ACAP2: variants seen among roughly 807,000 people sequenced by gnomAD.
The protein encoded by ACAP2 is ArfGAP with coiled-coil, ankyrin repeat and PH domains 2.
In ACAP2, 39 loss-of-function variants were observed where a neutral mutation model predicts 115.8. The ratio of observed to expected loss-of-function variants is 0.34; its 90% CI spans 0.26 to 0.44. ACAP2 has a LOEUF of 0.44. Ranked by LOEUF, ACAP2 falls within the 20% of genes least tolerant of loss-of-function variation. The probability of loss-of-function intolerance (pLI) is 1.00; values close to 1 mark genes in which losing one functional copy is unlikely to be tolerated. For missense variants in ACAP2, 662 were observed against 927.6 expected (o/e 0.71, Z 3.72); for synonymous variants, 289 against 315.8 (o/e 0.92, Z 0.90).
chr3:195,397,843 T>A (rs1003277155), intron 1 of ACAP2, among the ~76,000 whole-genome samples: 3 of 152,206 alleles, frequency 2.0e-5, no homozygotes, highest in Non-Finnish European at 4.4e-5. Context: ...TTTGTTTTCA[T>A]GTTATGGGGC....
chr3:195,366,681 T>C (rs1044516349), intron 4 of ACAP2, among the ~76,000 whole-genome samples: 1 of 152,240 alleles, frequency 6.6e-6, no homozygotes, highest in Admixed American at 6.5e-5. Flanking sequence ...TACTAATGCC[T>C]GCTTCTTATT....
chr3:195,424,564 G>C (rs1208873958), intron 1 of ACAP2, among the ~76,000 whole-genome samples: 1 of 151,512 alleles, frequency 6.6e-6, no homozygotes, highest in African/African-American at 2.4e-5. Flanking sequence ...CTCCCAAAGT[G>C]CTGGGATTAC....
intron 4 of ACAP2, among the ~76,000 whole-genome samples, chr3:195,377,138 C>CTTTTTTTTTTT (rs749352761): frequency 0.031 from 2,386 of 77,044 alleles, 408 homozygotes; most frequent in East Asian, 0.19. Context: ...GAATGTAAAT[C>CTTTTTTTTTTT]TTTTTTTTTT....
chr3:195,442,163 C>G (rs905522053), intron 1 of ACAP2: 3 of 152,608 alleles, frequency 2.0e-5, no homozygotes, highest in African/African-American at 7.2e-5. Context: ...CTAGGGTCCA[C>G]GGAATGCGGT....
chr3:195,305,559 C>T (rs1728367114), intron 13 of ACAP2, among the ~76,000 whole-genome samples: 1 of 151,798 alleles, frequency 6.6e-6, no homozygotes, highest in Non-Finnish European at 1.5e-5. Context: ...ATATGGGATA[C>T]AGGAAAGAGA....
intron 1 of ACAP2, among the ~76,000 whole-genome samples, chr3:195,418,969 A>G (rs1233218594): frequency 6.6e-6 from 1 of 152,178 alleles, no homozygotes; most frequent in Non-Finnish European, 1.5e-5. Context: ...GATGCTTGCA[A>G]GAGACTGTAT....
At chr3:195,312,952 G>A (rs1056241400) in intron 10 of ACAP2, 1 of 152,214 alleles carries the variant, frequency 6.6e-6, no homozygotes, top group Non-Finnish European at 1.5e-5. Context: ...GGTACCTGAT[G>A]TGATCGGGCT....
chr3:195,357,210 G>A (rs1443134033), intron 4 of ACAP2, among the ~76,000 whole-genome samples: 2 of 151,950 alleles, frequency 1.3e-5, no homozygotes, highest in South Asian at 2.1e-4. Context: ...GTGTGGAGGT[G>A]GACACAGGGG....
intron 4 of ACAP2, among the ~76,000 whole-genome samples, chr3:195,372,646 A>AC (rs1035593511): frequency 9.2e-5 from 14 of 151,696 alleles, no homozygotes; most frequent in Middle Eastern, 3.2e-3. Context: ...ACACAGGAAG[A>AC]CCCCCGCTCT....
At chr3:195,292,078 C>T (rs1727293120) in intron 19 of ACAP2, among the ~76,000 whole-genome samples, 187 bp downstream of exon 19, 1 of 152,138 alleles carries the variant, frequency 6.6e-6, no homozygotes, top group South Asian at 2.1e-4. Flanking sequence ...AATTCTCTTC[C>T]ACTGCAAAAA....
chr3:195,342,994 C>CAAA (rs11444212), intron 5 of ACAP2, among the ~76,000 whole-genome samples: 6 of 129,148 alleles, frequency 4.6e-5, no homozygotes, highest in African/African-American at 1.7e-4. Flanking sequence ...GACTCCGACT[C>CAAA]AAAAAAAAAA....
At chr3:195,344,169 T>G (rs9859279) in intron 5 of ACAP2, among the ~76,000 whole-genome samples, 47,756 of 152,068 alleles carry the variant, frequency 0.31, 8,709 homozygotes, top group East Asian at 0.82. Flanking sequence ...AGTGAGTTAT[T>G]ATCAAGCCAC....
intron 9 of ACAP2, chr3:195,325,481 A>G: frequency 2.3e-6 from 1 of 427,672 alleles, no homozygotes; most frequent in Non-Finnish European, 4.6e-6. Flanking sequence ...AGGGGCAGAA[A>G]AGAGGTCAGT....
intron 1 of ACAP2, among the ~76,000 whole-genome samples, chr3:195,417,528 G>A (rs1450953718): frequency 1.3e-5 from 2 of 151,956 alleles, no homozygotes; most frequent in African/African-American, 2.4e-5. Flanking sequence ...TACCAAAAGC[G>A]GACCATCATT....
At chr3:195,424,285 T>TATATATATA (rs1714478082) in intron 1 of ACAP2, among the ~76,000 whole-genome samples, 2 of 12,538 alleles carry the variant, frequency 1.6e-4, no homozygotes, top group Non-Finnish European at 3.2e-4. Flanking sequence ...ATATATATAT[T>TATATATATA]TTTTTTTTTT....
intron 4 of ACAP2, among the ~76,000 whole-genome samples, chr3:195,368,840 T>C (rs1405349359): frequency 6.6e-6 from 1 of 152,190 alleles, no homozygotes. Flanking sequence ...TCCCACCACT[T>C]TGAGAGGCCA....
intron 2 of ACAP2, among the ~76,000 whole-genome samples, chr3:195,391,112 T>C (rs1022548729): frequency 6.6e-6 from 1 of 152,200 alleles, no homozygotes; most frequent in Non-Finnish European, 1.5e-5. Flanking sequence ...GTATTTACAT[T>C]TGAACGTGGC....
chr3:195,300,369 G>A (rs1727969807), intron 15 of ACAP2, among the ~76,000 whole-genome samples: 1 of 151,970 alleles, frequency 6.6e-6, no homozygotes, highest in Admixed American at 6.6e-5. Context: ...AGAAACAAAT[G>A]AGCATATACT....
chr3:195,371,951 G>A (rs1042862049), intron 4 of ACAP2, among the ~76,000 whole-genome samples: 3 of 152,028 alleles, frequency 2.0e-5, no homozygotes, highest in Admixed American at 6.6e-5. Context: ...GAGCCGGTAC[G>A]CCCAGCCCAA....
Sources: gnomAD v4.1 joint callset for allele counts (sites outside exome capture counted in the v4.1 genomes callset) on GRCh38, gnomAD v4.1.1 for gene constraint, MANE v1.5 for transcripts, NCBI Gene and HGNC (gene_info 2026-07-23, HGNC 2026-07-21) for gene names.